The following ABI3BP variants were observed in gnomAD, a reference collection of about 807,000 sequenced individuals.
The protein encoded by ABI3BP is target of Nesh-SH3.
A neutral mutation model predicts 268.6 loss-of-function variants in ABI3BP; 216 were observed. That is an observed-to-expected ratio of 0.80 (90% CI 0.72 to 0.90). ABI3BP has a LOEUF of 0.90. Ranked by LOEUF, ABI3BP falls within the 40% of genes least tolerant of loss-of-function variation. ABI3BP has a pLI of 0.00. For missense variants in ABI3BP, 2,090 were observed against 2,182.4 expected, an observed-to-expected ratio of 0.96 and a Z score of 0.84; for synonymous variants, 730 against 730.0, an observed-to-expected ratio of 1.00 and a Z score of 0.00.
In ABI3BP at chr3:100,838,219, T is replaced by C. The variant is rs1302192086; in HGVS notation, c.2074A>G (p.Thr692Ala). Residue 692 changes from threonine (T) to alanine (A), a missense_variant, in exon 26 of 68, where the codon ACT becomes GCT. Thr to Ala is a moderately conservative substitution (Grantham distance 58). Transcript: ENST00000471714. ...QTTAEPDMPP[T>A]KSVSEPVPFE... ...TGGAAATTATGTTTACCGGATTTAG[T>C]TGGTGGCATGTCTGGTTCTGCTGTG... 2 of 1,536,040 alleles carry C rather than the reference T, an allele frequency of 1.3e-6. No homozygotes were observed. The highest frequency in any genetic ancestry group is 1.2e-5 in the South Asian group (1 of 84,038).
At chr3:100,876,647 T>C in intron 6 of ABI3BP, 87 bp from the exon 7 acceptor site, 1 of 1,220,566 alleles carries the variant, frequency 8.2e-7, no homozygotes, top group Non-Finnish European at 1.2e-6. Context: ...GAAGTAGCCC[T>C]TTCTTGTCTT....
rs1469115386 is a variant in ABI3BP, at chr3:100,840,809, T to C, written c.1804+11A>G. The C allele has an allele frequency of 6.5e-7, 1 of 1,533,474 alleles. No homozygotes were observed. Among genetic ancestry groups the C allele is most frequent in the Non-Finnish European group, 8.7e-7 (1 of 1,144,912 alleles). The allele number at this position is 1,533,474 out of a possible 1,614,324, so 95.0% of individuals were successfully genotyped here. A position where few individuals can be genotyped will look rare whatever the true frequency, so the allele number is the denominator to read the frequency against. On this transcript the variant is annotated intron_variant, in intron 22 of 67. Coordinates refer to ENST00000471714, the MANE Select transcript of ABI3BP (RefSeq NM_001375547.2). ...GAAGAAACAAAGGTCACCCACTCAA[T>C]ACTCTATTACCTAATGTTGTTGAAG... is the stretch of plus-strand genomic sequence containing the variant.
rs566850279 is a variant in ABI3BP at position 100,759,386 on chromosome 3, C to A, written c.4851-4695G>T. Among the ~76,000 whole-genome samples, 9 of 152,224 alleles carry A rather than the reference C, an allele frequency of 5.9e-5. No homozygotes were observed. In the South Asian group the frequency reaches 6.2e-4, roughly 11 times the overall value. ...GGTAAGCATTTCTGGATACCTGCCA[C>A]ATGTAAAGTTATTATGCTGATCTGG... On this transcript the variant is annotated intron_variant, in intron 63 of 67. Coordinates refer to ENST00000471714, the MANE Select transcript of ABI3BP (RefSeq NM_001375547.2).
intron 1 of ABI3BP, among the ~76,000 whole-genome samples, chr3:100,939,893 G>A (rs1410902772): frequency 2.6e-5 from 4 of 152,016 alleles, no homozygotes; most frequent in East Asian, 1.9e-4. Flanking sequence ...CAGGGGGGCC[G>A]TCTATAGGCC....
chr3:100,904,048 C>G (rs1582787137), intron 2 of ABI3BP, among the ~76,000 whole-genome samples: 1 of 152,188 alleles, frequency 6.6e-6, no homozygotes, highest in African/African-American at 2.4e-5. Flanking sequence ...TAACCATTTC[C>G]TGATTTTCTT....
chr3:100,955,649 C>A (rs527891817), intron 1 of ABI3BP, among the ~76,000 whole-genome samples: 1 of 152,132 alleles, frequency 6.6e-6, no homozygotes, highest in South Asian at 2.1e-4. Flanking sequence ...ATACTTTACA[C>A]GTGGAATCTT....
At chr3:100,919,438 C>T (rs2153603459) in intron 2 of ABI3BP, among the ~76,000 whole-genome samples, 1 of 152,300 alleles carries the variant, frequency 6.6e-6, no homozygotes, top group Middle Eastern at 3.4e-3. Context: ...TGCATTTCCT[C>T]TTGCCGTCTA....
Position 100,752,877 on chromosome 3 carries a change from A to AT in ABI3BP, c.5031dup (p.Tyr1678IlefsTer8). On this transcript the variant is annotated frameshift_variant, in exon 66 of 68. Coordinates refer to ENST00000471714, the MANE Select transcript of ABI3BP (RefSeq NM_001375547.2). LOFTEE classifies it high-confidence loss of function. ...TTTTTATACCATGTCCTTTTGACATATTGTTTGCCCTTACACTCTGAGTAA... is the reference window on the plus strand; with the variant it reads ...TTTTTATACCATGTCCTTTTGACATATTTGTTTGCCCTTACACTCTGAGTAA... The AT allele has an allele frequency of 6.2e-7, 1 of 1,613,578 alleles. No individual in the cohort carries two copies. Among genetic ancestry groups the AT allele is most frequent in the Non-Finnish European group, 8.5e-7 (1 of 1,179,740 alleles).
chr3:100,926,592 G>T, intron 1 of ABI3BP, 111 bp from the exon 2 acceptor site: 1 of 1,011,002 alleles, frequency 9.9e-7, no homozygotes, highest in Non-Finnish European at 1.5e-6. Context: ...AAAACATGTT[G>T]TCTACTTTGC....
intron 38 of ABI3BP, among the ~76,000 whole-genome samples, chr3:100,821,876 C>G (rs961770133): frequency 3.3e-5 from 5 of 152,108 alleles, no homozygotes; most frequent in African/African-American, 1.2e-4. Context: ...GCTAGGATTA[C>G]AGGTGTGAGC....
chr3:100,762,068 C>T (rs1194982839), intron 63 of ABI3BP, among the ~76,000 whole-genome samples: 1 of 152,126 alleles, frequency 6.6e-6, no homozygotes, highest in African/African-American at 2.4e-5. Flanking sequence ...TTCCAAATTT[C>T]CTCCAAGCAT....
chr3:100,781,032 C>CAATA lies in ABI3BP; in HGVS notation c.4163-827_4163-824dup, dbSNP rs1237762328. On this transcript the variant is annotated intron_variant, in intron 57 of 67. Coordinates refer to ENST00000471714, the MANE Select transcript of ABI3BP (RefSeq NM_001375547.2). ...GAAACAGACATTTTTAGAATTTAAA[C>CAATA]AATAAAAATCACTTCAGAAATAATG... Among the ~76,000 whole-genome samples the CAATA allele has an allele frequency of 2.0e-5, 3 of 152,032 alleles. No individual in the cohort carries two copies. The East Asian group carries it at 5.8e-4, about 29-fold the overall frequency.
At chr3:100,851,573 A>G (rs1484320626) in intron 15 of ABI3BP, among the ~76,000 whole-genome samples, 1 of 152,224 alleles carries the variant, frequency 6.6e-6, no homozygotes, top group Non-Finnish European at 1.5e-5. Flanking sequence ...AAAACCCTCT[A>G]GAAACTCGAA....
chr3:100,777,280 G>A (rs2096732039), intron 59 of ABI3BP, among the ~76,000 whole-genome samples: 1 of 152,314 alleles, frequency 6.6e-6, no homozygotes, highest in Non-Finnish European at 1.5e-5. Context: ...CGGAAGTAGT[G>A]TTCTGGAGAG....
intron 14 of ABI3BP, among the ~76,000 whole-genome samples, chr3:100,861,863 A>G (rs906002107): frequency 2.0e-5 from 3 of 152,228 alleles, no homozygotes; most frequent in African/African-American, 7.2e-5. Flanking sequence ...TGCTACACTT[A>G]CAAATTTTAG....
chr3:100,774,777 CTGCT>C, intron 60 of ABI3BP, 104 bp from the exon 61 acceptor site: 2 of 908,540 alleles, frequency 2.2e-6, no homozygotes, highest in Non-Finnish European at 1.6e-6. Flanking sequence ...TTCTTGTAAA[CTGCT>C]TGCAGTTTTG....
intron 9 of ABI3BP, among the ~76,000 whole-genome samples, chr3:100,867,976 T>C (rs909356811): frequency 7.2e-5 from 11 of 152,246 alleles, no homozygotes; most frequent in African/African-American, 2.7e-4. Flanking sequence ...GCGATTATGG[T>C]ATTCCCCATT....
intron 31 of ABI3BP, 54 bp from the exon 32 acceptor site, chr3:100,830,688 T>C: frequency 7.1e-7 from 1 of 1,409,350 alleles, no homozygotes; most frequent in Non-Finnish European, 9.6e-7. Context: ...CATGAAATGT[T>C]GGAACATTCA....
Position 100,816,827 on chromosome 3 carries a change from G to T in ABI3BP, c.3149-59C>A, listed in dbSNP as rs9864363. 1,234 of 1,217,432 alleles carry T rather than the reference G, an allele frequency of 1.0e-3. 4 individuals are homozygous for T. In the African/African-American group the frequency reaches 0.017, roughly 16 times the overall value. 75.4% of individuals were successfully genotyped at this position (1,217,432 alleles called of 1,614,324 possible). A position where few individuals can be genotyped will look rare whatever the true frequency, so the allele number is the denominator to read the frequency against. On this transcript the variant is annotated intron_variant, in intron 42 of 67. Coordinates refer to ENST00000471714, the MANE Select transcript of ABI3BP (RefSeq NM_001375547.2). ...GGTGGCTTTGGAGACAAAACTTTAG[G>T]TTTTTAAAGGTATGTCATATTTCCT...
Sources: gnomAD v4.1 joint callset for allele counts (sites outside exome capture counted in the v4.1 genomes callset) on GRCh38, gnomAD v4.1.1 for gene constraint, MANE v1.5 for transcripts, NCBI Gene and HGNC (gene_info 2026-07-23, HGNC 2026-07-21) for gene names.